TNS1: variants seen among roughly 807,000 people sequenced by gnomAD.
TNS1 encodes tensin-1.
A neutral mutation model predicts 168.6 loss-of-function variants in TNS1; 62 were observed. The ratio of observed to expected loss-of-function variants is 0.37; its 90% CI spans 0.30 to 0.45. The LOEUF is 0.45. TNS1 is among the 20% of genes least tolerant of loss of function. TNS1 has a pLI of 1.00. For synonymous variants in TNS1, 934 were observed against 933.2 expected, an observed-to-expected ratio of 1.00 and a Z score of -0.02; for missense variants, 2,240 against 2,339.4, an observed-to-expected ratio of 0.96 and a Z score of 0.88.
rs1002730474 is a variant in TNS1, at chr2:217,904,269, G to A, written c.321+2066C>T. 4.6e-5 allele frequency among the ~76,000 whole-genome samples: 7 copies of A among 152,324 alleles called. No individual in the cohort carries two copies. In the South Asian group the frequency reaches 6.2e-4, roughly 14 times the overall value. On this transcript the variant is annotated intron_variant, in intron 6 of 32. Coordinates refer to ENST00000682258, the MANE Select transcript of TNS1 (RefSeq NM_001387777.1). Reference sequence around the variant, plus strand: ...ACTCCACTACACACCAACTCGGCAGGAGGAAAACAGCCATTCCTGCCTGTG... The same window carrying A: ...ACTCCACTACACACCAACTCGGCAGAAGGAAAACAGCCATTCCTGCCTGTG...
At chr2:218,016,254 G>A (rs1328604527) in intron 1 of TNS1, among the ~76,000 whole-genome samples, 1 of 152,206 alleles carries the variant, frequency 6.6e-6, no homozygotes. Flanking sequence ...GGGGAGCTGA[G>A]TTAAAGCTCC....
chr2:218,030,735 C>T (rs574069692), intron 1 of TNS1, among the ~76,000 whole-genome samples: 10 of 152,334 alleles, frequency 6.6e-5, no homozygotes, highest in African/African-American at 9.6e-5. Context: ...ACACTGAGGA[C>T]GCCCCCTCTG....
rs1937918914 is a variant in TNS1, at chr2:217,804,078, AG to A, written c.*380del. 6.0e-6 allele frequency: 1 copy of A among 166,900 alleles called. No individual in the cohort carries two copies. Among genetic ancestry groups the A allele is most frequent in the Admixed American group, 6.0e-5 (1 of 16,724 alleles). The allele number at this position is 166,900 out of a possible 1,614,324, so 10.3% of individuals were successfully genotyped here. ...CAAAGCAGTTGAGTTAGGGAGACAGAGCTTTTCCATTCCCCCAAAAAATGTG... is the reference window on the plus strand; with the variant it reads ...CAAAGCAGTTGAGTTAGGGAGACAGACTTTTCCATTCCCCCAAAAAATGTG... On this transcript the variant is annotated 3_prime_UTR_variant, in exon 33 of 33. Coordinates refer to ENST00000682258, the MANE Select transcript of TNS1 (RefSeq NM_001387777.1).
intron 3 of TNS1, among the ~76,000 whole-genome samples, chr2:217,977,039 T>C (rs2126043229): frequency 6.6e-6 from 1 of 152,336 alleles, no homozygotes; most frequent in Admixed American, 6.5e-5. Flanking sequence ...CAATGTTTTA[T>C]GCTCTAAAGG....
chr2:217,934,537 C>G (rs1230548371), intron 3 of TNS1, among the ~76,000 whole-genome samples: 1 of 152,234 alleles, frequency 6.6e-6, no homozygotes, highest in Non-Finnish European at 1.5e-5. Context: ...TCCTCCCACT[C>G]TGTTCCCTTT....
intron 19 of TNS1, among the ~76,000 whole-genome samples, chr2:217,838,309 C>T (rs1036626334): frequency 6.6e-6 from 1 of 152,212 alleles, no homozygotes; most frequent in African/African-American, 2.4e-5. Flanking sequence ...CCAACCTTCC[C>T]AAAGCTTTCT....
intron 3 of TNS1, among the ~76,000 whole-genome samples, chr2:217,936,231 T>C (rs1267353687): frequency 2.0e-5 from 3 of 152,112 alleles, no homozygotes; most frequent in Non-Finnish European, 2.9e-5. Context: ...AGTAAGGGGC[T>C]ACTGTGTTCC....
chr2:217,945,502 C>T (rs1414305412), intron 3 of TNS1, among the ~76,000 whole-genome samples: 1 of 152,178 alleles, frequency 6.6e-6, no homozygotes. Context: ...GAGATAGAAG[C>T]ATCGCTCCAC....
intron 4 of TNS1, among the ~76,000 whole-genome samples, chr2:217,914,973 G>T (rs1017656701): frequency 6.6e-6 from 1 of 152,176 alleles, no homozygotes; most frequent in Admixed American, 6.5e-5. Context: ...TCTAGGCTAA[G>T]CGGCCCTAGG....
rs1312847754 is a variant in TNS1, at chr2:217,813,349, G to A, written c.4862-42C>T. The A allele has an allele frequency of 3.4e-6, 5 of 1,464,870 alleles. No individual in the cohort carries two copies. In the Admixed American group the frequency reaches 9.7e-5, roughly 29 times the overall value. 90.7% of individuals were successfully genotyped at this position (1,464,870 alleles called of 1,614,324 possible). A position where few individuals can be genotyped will look rare whatever the true frequency, so the allele number is the denominator to read the frequency against. ...GAAATAAGGCTCAGTCCCTGCCCATGGCTTCCTCCCACCACCTCCCAAGAC... is the reference window on the plus strand; with the variant it reads ...GAAATAAGGCTCAGTCCCTGCCCATAGCTTCCTCCCACCACCTCCCAAGAC... On this transcript the variant is annotated intron_variant, in intron 26 of 32. Coordinates refer to ENST00000682258, the MANE Select transcript of TNS1 (RefSeq NM_001387777.1). The surrounding 1 kb of genome is among the most constrained non-coding windows in gnomAD (Gnocchi z 4.0).
At chr2:217,931,607 A>T (rs1956326601) in intron 3 of TNS1, among the ~76,000 whole-genome samples, 1 of 152,206 alleles carries the variant, frequency 6.6e-6, no homozygotes, top group Non-Finnish European at 1.5e-5. Flanking sequence ...GCCAGCCAGG[A>T]CAAGGGCGTA....
chr2:218,014,921 A>AAGGAAGGAAGGAAGGAAGGAAGGC (rs1260656732), upstream of TNS1, among the ~76,000 whole-genome samples: 1 of 76,246 alleles, frequency 1.3e-5, no homozygotes. Flanking sequence ...GGAAGGAAGG[A>AAGGAAGGAAGGAAGGAAGGAAGGC]AGGCAGGCAG....
intron 3 of TNS1, among the ~76,000 whole-genome samples, chr2:217,959,887 G>A (rs1957455485): frequency 6.6e-6 from 1 of 151,440 alleles, no homozygotes; most frequent in Non-Finnish European, 1.5e-5. Flanking sequence ...GGCTGGGAGG[G>A]TGGGAGTGAG....
rs1941418859 is a variant in TNS1 at position 217,813,831 on chromosome 2, G to C, written c.4730-15C>G. Reference sequence around the variant, plus strand: ...GAGCGCGATGGCTGCATGGGGAAGGGACAAGGAGAGAGGAGGAAGCAAGAC... The same window carrying C: ...GAGCGCGATGGCTGCATGGGGAAGGCACAAGGAGAGAGGAGGAAGCAAGAC... On this transcript the variant is annotated splice_polypyrimidine_tract_variant and intron_variant, in intron 25 of 32. Coordinates refer to ENST00000682258, the MANE Select transcript of TNS1 (RefSeq NM_001387777.1). The surrounding 1 kb of genome is among the most constrained non-coding windows in gnomAD (Gnocchi z 4.0). 6.3e-7 allele frequency: 1 copy of C among 1,590,674 alleles called. No individual in the cohort carries two copies. Among genetic ancestry groups the C allele is most frequent in the African/African-American group, 1.4e-5 (1 of 74,054 alleles).
At chr2:217,942,611 C>A (rs532854085) in intron 3 of TNS1, among the ~76,000 whole-genome samples, 37 of 152,310 alleles carry the variant, frequency 2.4e-4, no homozygotes, top group African/African-American at 8.9e-4. Context: ...TCCACCCACC[C>A]CAGGCAGCTT....
At chr2:218,016,155 C>T (rs1559412648) in intron 1 of TNS1, among the ~76,000 whole-genome samples, 1 of 152,108 alleles carries the variant, frequency 6.6e-6, no homozygotes, top group Non-Finnish European at 1.5e-5. Context: ...CCCACTGCAG[C>T]CCCCTCCCCT....
chr2:217,944,296 C>T (rs1476633291), intron 3 of TNS1, among the ~76,000 whole-genome samples: 3 of 152,178 alleles, frequency 2.0e-5, no homozygotes, highest in African/African-American at 7.2e-5. Context: ...TGTGGCTGCC[C>T]CTCCTTCAGC....
chr2:217,997,270 A>G (rs1958487308), intron 1 of TNS1, among the ~76,000 whole-genome samples: 1 of 152,154 alleles, frequency 6.6e-6, no homozygotes, highest in African/African-American at 2.4e-5. Flanking sequence ...TTCAGCATCA[A>G]TACAATCCCA....
At chr2:218,024,171 A>C (rs959750033) in intron 1 of TNS1, among the ~76,000 whole-genome samples, 1 of 152,182 alleles carries the variant, frequency 6.6e-6, no homozygotes, top group African/African-American at 2.4e-5. Context: ...GTGGTAAGAA[A>C]GGACTCCGAG....
Sources: gnomAD v4.1 joint callset for allele counts (sites outside exome capture counted in the v4.1 genomes callset) on GRCh38, gnomAD v4.1.1 for gene constraint, Gnocchi (gnomAD v3.1) non-coding constraint, MANE v1.5 for transcripts, NCBI Gene and HGNC (gene_info 2026-07-23, HGNC 2026-07-21) for gene names.